The following GPR18 variants were observed in gnomAD, a reference collection of about 807,000 sequenced individuals.
GPR18 encodes the protein G protein-coupled receptor 18.
A neutral mutation model predicts 22.8 loss-of-function variants in GPR18; 20 were observed. The ratio of observed to expected loss-of-function variants is 0.88; its 90% confidence interval spans 0.62 to 1.28. GPR18 has a LOEUF of 1.28. Ranked by LOEUF, GPR18 falls within the 50% of genes most tolerant of loss-of-function variation. The pLI, the probability that GPR18 is intolerant of heterozygous loss-of-function variation, is 0.00. For missense variants in GPR18, 379 were observed against 412.0 expected (o/e 0.92, Z 0.69); for synonymous variants, 160 against 155.3 (o/e 1.03, Z -0.22).
At chr13:99,256,033 A>C in intron 1 of GPR18, 127 bp from the exon 2 acceptor site, 1 of 616,680 alleles carries the variant, frequency 1.6e-6, no homozygotes, top group Non-Finnish European at 2.8e-6. Flanking sequence ...GGAACGATTC[A>C]ACTGGTTAAC....
rs143171650 is a variant in GPR18 at position 99,255,468 on chromosome 13, C to T, written c.405G>A (p.Thr135=). 147 of 1,613,898 alleles carry T rather than the reference C, an allele frequency of 9.1e-5. No homozygotes were observed. The highest frequency in any genetic ancestry group is 1.6e-4 in the Middle Eastern group (1 of 6,084). The change falls in exon 2 of 2, where the codon ACG becomes ACA. Residue 135 remains threonine (T), a synonymous_variant. Coordinates refer to ENST00000397470, the MANE Select transcript of GPR18 (RefSeq NM_001098200.2). ...CCACACACGCCAGCACGGCTTTGCACGTGTTTTTAAGTTCTTTGGCGTACT... is the reference window on the plus strand; with the variant it reads ...CCACACACGCCAGCACGGCTTTGCATGTGTTTTTAAGTTCTTTGGCGTACT... ...QPKYAKELKN[T]CKAVLACVGV... is the part of the protein sequence containing the mutation.
chr13:99,256,864 G>C (rs1005077383), intron 1 of GPR18, among the ~76,000 whole-genome samples: 1 of 152,170 alleles, frequency 6.6e-6, no homozygotes, highest in African/African-American at 2.4e-5. Flanking sequence ...GGAATCTGTG[G>C]CATCCCCTTG....
At chr13:99,256,053 T>C in intron 1 of GPR18, 147 bp from the exon 2 acceptor site, 1 of 567,064 alleles carries the variant, frequency 1.8e-6, no homozygotes, top group East Asian at 3.0e-5. Context: ...CTACTGAACA[T>C]TCACAGTAAT....
rs1197119483 is a variant in GPR18 at position 99,255,708 on chromosome 13, G to A, written c.165C>T (p.Thr55=). The A allele has an allele frequency of 1.2e-6, 2 of 1,613,860 alleles. No individual in the cohort carries two copies. Among genetic ancestry groups the A allele is most frequent in the Admixed American group, 3.3e-5 (2 of 59,970 alleles). The change falls in exon 2 of 2, where the codon ACC becomes ACT. Residue 55 remains threonine, a synonymous_variant. Coordinates refer to ENST00000397470, the MANE Select transcript of GPR18 (RefSeq NM_001098200.2). The stretch of plus-strand genomic sequence containing the variant: ...CATTCATCATATAGATGGTTACCGT[G>A]GTTCTCTTCTTGGTGGTACAACTGA... The part of the protein sequence containing the change: ...WVFSCTTKKR[T]TVTIYMMNVA...
rs2043531073 is a variant in GPR18 at position 99,255,406 on chromosome 13, A to G, written c.467T>C (p.Leu156Pro). The G allele has an allele frequency of 1.2e-6, 2 of 1,614,160 alleles. No individual in the cohort carries two copies. Among genetic ancestry groups the G allele is most frequent in the East Asian group, 4.5e-5 (2 of 44,880 alleles). Residue 156 changes from leucine (L) to proline (P), a missense_variant, in exon 2 of 2, where the codon CTG becomes CCG. By Grantham distance (98) the Leu-to-Pro change is moderately conservative. Transcript: ENST00000397470. ...ATCTGGGTCTTTATAGAGCAGTAGCAGAGGGGTGGTCGTGGTCAGGGTCAT... is the reference window on the plus strand; with the variant it reads ...ATCTGGGTCTTTATAGAGCAGTAGCGGAGGGGTGGTCGTGGTCAGGGTCAT... ...WIMTLTTTTPLLLLYKDPDKD... is the reference protein window; with the variant it reads ...WIMTLTTTTPPLLLYKDPDKD...
chr13:99,254,864 A>G lies in GPR18; in HGVS notation c.*13T>C, dbSNP rs781659489. 6.3e-7 allele frequency: 1 copy of G among 1,591,844 alleles called. No individual in the cohort carries two copies. The highest frequency in any genetic ancestry group is 1.1e-5 in the South Asian group (1 of 87,440). ...TGAATTTTGATGGGATTGAAATGAA[A>G]GAACCTTATTATTCATAACATTTCA... On this transcript the variant is annotated 3_prime_UTR_variant, in exon 2 of 2. Coordinates refer to ENST00000397470, the MANE Select transcript of GPR18 (RefSeq NM_001098200.2).
In GPR18 at chr13:99,255,942, G is replaced by A. The variant is rs544209264; in HGVS notation, c.-34-36C>T. ...AGTTAAGAAAAATAAGAATAAAATC[G>A]TTGGTTAAAAAATAAATGCTTAACA... On this transcript the variant is annotated intron_variant, in intron 1 of 1. Transcript: ENST00000397470. The A allele has an allele frequency of 6.4e-5, 90 of 1,397,938 alleles. No homozygotes were observed. The South Asian group carries it at 9.8e-4, about 15-fold the overall frequency. The allele number at this position is 1,397,938 out of a possible 1,614,324, so 86.6% of individuals were successfully genotyped here. A position where few individuals can be genotyped will look rare whatever the true frequency, so the allele number is the denominator to read the frequency against.
Position 99,255,903 on chromosome 13 carries a change from G to A in GPR18, c.-31C>T. 2.0e-6 allele frequency: 3 copies of A among 1,490,966 alleles called. No individual in the cohort carries two copies. The highest frequency in any genetic ancestry group is 1.4e-5 in the South Asian group (1 of 69,706). The allele number at this position is 1,490,966 out of a possible 1,614,324, so 92.4% of individuals were successfully genotyped here. On this transcript the variant is annotated 5_prime_UTR_variant, in exon 2 of 2. Transcript: ENST00000397470. ...AGCTTGTTGGTAGGCATGATACTTAGAAACTGTAAAAATAGTTAAGAAAAA... is the reference window on the plus strand; with the variant it reads ...AGCTTGTTGGTAGGCATGATACTTAAAAACTGTAAAAATAGTTAAGAAAAA...
At position 99,255,374 on chromosome 13, in the gene GPR18, AGTCTTTATCTGG is replaced by A. The variant is rs1566470921; in HGVS notation, c.487_498del (p.Pro163_Asp166del). The A allele has an allele frequency of 5.0e-6, 8 of 1,613,944 alleles. No homozygotes were observed. Among genetic ancestry groups the A allele is most frequent in the African/African-American group, 1.3e-5 (1 of 74,902 alleles). ...ATCTTGAGGCAGGTGGCGGGAGTGG[AGTCTTTATCTGG>A]GTCTTTATAGAGCAGTAGCAGAGGG... is the stretch of plus-strand genomic sequence containing the variant. On this transcript the variant is annotated inframe_deletion, in exon 2 of 2. Coordinates refer to ENST00000397470, the MANE Select transcript of GPR18 (RefSeq NM_001098200.2).
In GPR18 at chr13:99,255,429, CATTAT is replaced by C. The variant is rs2043532228; in HGVS notation, c.439_443del (p.Ile147AspfsTer13). On this transcript the variant is annotated frameshift_variant, in exon 2 of 2. Coordinates refer to ENST00000397470, the MANE Select transcript of GPR18 (RefSeq NM_001098200.2). LOFTEE classifies it high-confidence loss of function. ...GCAGAGGGGTGGTCGTGGTCAGGGT[CATTAT>C]CCAGACTCCCACACACGCCAGCACG... 1 of 1,613,866 alleles carries C rather than the reference CATTAT, an allele frequency of 6.2e-7. No individual in the cohort carries two copies. Among genetic ancestry groups the C allele is most frequent in the Admixed American group, 1.7e-5 (1 of 59,988 alleles).
chr13:99,256,677 A>G (rs960243064), intron 1 of GPR18, among the ~76,000 whole-genome samples: 1 of 149,898 alleles, frequency 6.7e-6, no homozygotes, highest in African/African-American at 2.5e-5. Context: ...CAGTAACTTG[A>G]TGTGTATGTA....
At chr13:99,256,054 T>G (rs1187272255) in intron 1 of GPR18, 148 bp from the exon 2 acceptor site, 2 of 549,352 alleles carry the variant, frequency 3.6e-6, no homozygotes, top group Non-Finnish European at 6.2e-6. Flanking sequence ...TACTGAACAT[T>G]CACAGTAATT....
In GPR18 at chr13:99,255,805, A is replaced by G. The variant is rs774847906; in HGVS notation, c.68T>C (p.Ile23Thr). 1.9e-6 allele frequency: 3 copies of G among 1,611,330 alleles called. No homozygotes were observed. Among genetic ancestry groups the G allele is most frequent in the Admixed American group, 1.7e-5 (1 of 59,514 alleles). Residue 23 changes from isoleucine to threonine, a missense_variant, in exon 2 of 2, where the codon ATT (isoleucine) becomes ACT (threonine). Coordinates refer to ENST00000397470, the MANE Select transcript of GPR18 (RefSeq NM_001098200.2). ...ACAGCTATAGAAGACAAGGGCTGCA[A>G]TTTTGTATTCATCTGGATGTGAGCT... ...FNSSHPDEYK[I>T]AALVFYSCIF...
intron 1 of GPR18, among the ~76,000 whole-genome samples, chr13:99,256,976 G>C (rs1235732922): frequency 6.6e-6 from 1 of 152,202 alleles, no homozygotes; most frequent in African/African-American, 2.4e-5. Context: ...AACTATGGGG[G>C]AGATTTGCTG....
In GPR18 at chr13:99,254,926, C is replaced by G; in HGVS notation, c.947G>C (p.Arg316Pro). The G allele has an allele frequency of 6.2e-7, 1 of 1,613,992 alleles. No homozygotes were observed. The highest frequency in any genetic ancestry group is 8.5e-7 in the Non-Finnish European group (1 of 1,179,966). The stretch of plus-strand genomic sequence containing the variant: ...GCTTAGTGACCGTAGACTACCAGAT[C>G]GGAAACTTTTTCTGCGCATGCTTCG... The part of the protein sequence containing the change: ...YLRSMRRKSF[R>P]SGSLRSLSNI... Residue 316 changes from arginine to proline, a missense_variant, in exon 2 of 2, where the codon CGA (arginine) becomes CCA (proline). Physicochemically the swap from Arg to Pro is moderately radical, Grantham distance 103. Transcript: ENST00000397470.
intron 1 of GPR18, among the ~76,000 whole-genome samples, chr13:99,257,558 ATGAG>A (rs1170682049): frequency 2.6e-5 from 4 of 152,304 alleles, no homozygotes; most frequent in African/African-American, 9.6e-5. Context: ...TTGAAAAAAA[ATGAG>A]TGATGCATGT....
chr13:99,254,752 TGAA>T lies in GPR18; in HGVS notation c.*122_*124del. On this transcript the variant is annotated 3_prime_UTR_variant, in exon 2 of 2. Coordinates refer to ENST00000397470, the MANE Select transcript of GPR18 (RefSeq NM_001098200.2). ...AAATGTTTTATATAAGTTTTTAAAA[TGAA>T]GATAATGAATTTATTTTTTCAAGAG... is the stretch of plus-strand genomic sequence containing the variant. 1.4e-6 allele frequency: 1 copy of T among 714,808 alleles called. No homozygotes were observed. The highest frequency in any genetic ancestry group is 1.8e-5 in the African/African-American group (1 of 55,402). The allele number at this position is 714,808 out of a possible 1,614,324, so 44.3% of individuals were successfully genotyped here.
At chr13:99,257,094 C>T (rs2043575764) in intron 1 of GPR18, among the ~76,000 whole-genome samples, 1 of 152,094 alleles carries the variant, frequency 6.6e-6, no homozygotes, top group Non-Finnish European at 1.5e-5. Context: ...CTTTCCCTTC[C>T]CTTCCCTTCC....
intron 1 of GPR18, among the ~76,000 whole-genome samples, chr13:99,257,161 A>G (rs1305185444): frequency 6.6e-6 from 1 of 152,088 alleles, no homozygotes; most frequent in African/African-American, 2.4e-5. Flanking sequence ...AATATGATTT[A>G]GGAGCATAAT....
Sources: gnomAD v4.1 joint callset for allele counts (sites outside exome capture counted in the v4.1 genomes callset) on GRCh38, gnomAD v4.1.1 for gene constraint, MANE v1.5 for transcripts, NCBI Gene and HGNC (gene_info 2026-07-23, HGNC 2026-07-21) for gene names.